DSCAML1: variants seen among roughly 807,000 people sequenced by gnomAD.
The protein encoded by DSCAML1 is DS cell adhesion molecule like 1, also known as cell adhesion molecule DSCAML1.
Under a neutral mutation model 200.5 loss-of-function variants are expected in DSCAML1, and 38 were observed. That is an observed-to-expected ratio of 0.19 (90% confidence interval 0.15 to 0.25). The LOEUF is 0.25. Among genes scored for constraint, DSCAML1 ranks in the 10% least tolerant of loss-of-function variants. DSCAML1 has a pLI of 1.00. For synonymous variants in DSCAML1, 1,215 were observed against 1,165.0 expected (o/e 1.04, Z -0.87); for missense variants, 2,223 against 2,858.8 (o/e 0.78, Z 5.07).
At chr11:117,592,913 C>T (rs559927094) in intron 3 of DSCAML1, among the ~76,000 whole-genome samples, 42 of 152,254 alleles carry the variant, frequency 2.8e-4, no homozygotes, top group African/African-American at 5.3e-4. Context: ...TCAGGCAGCA[C>T]GGGGTGTGAA....
intron 3 of DSCAML1, among the ~76,000 whole-genome samples, chr11:117,532,871 T>C (rs1031970661): frequency 6.6e-5 from 10 of 151,806 alleles, no homozygotes; most frequent in Non-Finnish European, 1.3e-4. Flanking sequence ...GCACCTGTAA[T>C]CCCAATGCTT....
At chr11:117,589,992 C>T (rs1285403953) in intron 3 of DSCAML1, among the ~76,000 whole-genome samples, 4 of 152,148 alleles carry the variant, frequency 2.6e-5, no homozygotes, top group East Asian at 3.8e-4. Flanking sequence ...AGCTCCTAAA[C>T]TTCAGGGTTT....
chr11:117,645,060 C>CA (rs2052495367), intron 3 of DSCAML1, among the ~76,000 whole-genome samples: 2 of 152,248 alleles, frequency 1.3e-5, no homozygotes, highest in Non-Finnish European at 2.9e-5. Flanking sequence ...GCCTCGGCTT[C>CA]ACCTGCAGGA....
intron 3 of DSCAML1, among the ~76,000 whole-genome samples, chr11:117,634,904 G>A (rs2052246789): frequency 6.6e-6 from 1 of 152,176 alleles, no homozygotes; most frequent in African/African-American, 2.4e-5. Context: ...AAAGCCTCTG[G>A]CAGTAAATGG....
At chr11:117,766,981 C>G (rs1172992019) in intron 3 of DSCAML1, among the ~76,000 whole-genome samples, 1 of 152,174 alleles carries the variant, frequency 6.6e-6, no homozygotes, top group African/African-American at 2.4e-5. Context: ...TGGTGTACCC[C>G]TCCCTGGCTG....
intron 19 of DSCAML1, among the ~76,000 whole-genome samples, chr11:117,452,654 T>A (rs375887543): frequency 6.6e-6 from 1 of 152,242 alleles, no homozygotes; most frequent in East Asian, 1.9e-4. Context: ...ATACTTTCTA[T>A]TTGTCTCATC....
intron 12 of DSCAML1, 45 bp from the exon 13 acceptor site, chr11:117,481,315 A>G: frequency 6.3e-7 from 1 of 1,592,560 alleles, no homozygotes; most frequent in Non-Finnish European, 8.6e-7. Flanking sequence ...AAACAGGGAG[A>G]GTCTTTTAGA....
intron 3 of DSCAML1, among the ~76,000 whole-genome samples, chr11:117,547,347 C>T (rs2050390587): frequency 6.6e-6 from 1 of 152,196 alleles, no homozygotes; most frequent in African/African-American, 2.4e-5. Flanking sequence ...AACAGAACCC[C>T]AGTAGCTGCA....
At chr11:117,465,227 C>A in intron 16 of DSCAML1, 45 bp from the exon 17 acceptor site, 1 of 1,601,382 alleles carries the variant, frequency 6.2e-7, no homozygotes, top group Non-Finnish European at 8.5e-7. Context: ...TGGCAACACG[C>A]TGAGATGATG....
chr11:117,471,800 A>ACCCCACCCCCTT (rs144312257), intron 15 of DSCAML1, 69 bp downstream of exon 15: 62 of 1,528,520 alleles, frequency 4.1e-5, no homozygotes, highest in Admixed American at 5.6e-5. Flanking sequence ...AGTGAACAGG[A>ACCCCACCCCCTT]TCGCTGTAGG....
At chr11:117,651,847 G>A (rs79954270) in intron 3 of DSCAML1, among the ~76,000 whole-genome samples, 4,032 of 151,504 alleles carry the variant, frequency 0.027, 155 homozygotes, top group South Asian at 0.16. Flanking sequence ...TGTCATCCCC[G>A]ATGTCTCCCC....
At chr11:117,545,780 G>A (rs954414549) in intron 3 of DSCAML1, among the ~76,000 whole-genome samples, 1 of 152,200 alleles carries the variant, frequency 6.6e-6, no homozygotes, top group Non-Finnish European at 1.5e-5. Flanking sequence ...GGAATGGGTC[G>A]TTAACACAGG....
intron 19 of DSCAML1, among the ~76,000 whole-genome samples, chr11:117,453,000 G>A (rs1442859725): frequency 2.6e-5 from 4 of 151,426 alleles, no homozygotes; most frequent in Non-Finnish European, 4.4e-5. Flanking sequence ...GTGTGGTCTC[G>A]GCTCACTCAC....
intron 1 of DSCAML1, among the ~76,000 whole-genome samples, chr11:117,810,320 G>C (rs1476995603): frequency 6.6e-6 from 1 of 151,980 alleles, no homozygotes; most frequent in Non-Finnish European, 1.5e-5. Context: ...TTCACCCTTA[G>C]TGGCAAGTCC....
intron 3 of DSCAML1, among the ~76,000 whole-genome samples, chr11:117,728,341 G>A (rs2054166989): frequency 6.6e-6 from 1 of 152,206 alleles, no homozygotes; most frequent in South Asian, 2.1e-4. Context: ...AATGATGAAA[G>A]AGTGGATACA....
At chr11:117,444,565 G>A (rs761457788) in intron 20 of DSCAML1, among the ~76,000 whole-genome samples, 6 of 152,170 alleles carry the variant, frequency 3.9e-5, no homozygotes, top group Non-Finnish European at 5.9e-5. Flanking sequence ...AGGAGGGGGC[G>A]GGAGAAGGAA....
At chr11:117,657,559 G>A (rs1010716309) in intron 3 of DSCAML1, among the ~76,000 whole-genome samples, 2 of 152,084 alleles carry the variant, frequency 1.3e-5, no homozygotes, top group Non-Finnish European at 1.5e-5. Flanking sequence ...TTAATGCTCC[G>A]TGTCAGTGAC....
chr11:117,743,003 T>TCATC (rs60601984), intron 3 of DSCAML1, among the ~76,000 whole-genome samples: 3,416 of 150,988 alleles, frequency 0.023, 131 homozygotes, highest in African/African-American at 0.076. Context: ...CACTCCACTT[T>TCATC]CATCCATCCA....
In DSCAML1 at chr11:117,430,414, T is replaced by C. The variant is rs903089680; in HGVS notation, c.5686+308A>G. On this transcript the variant is annotated intron_variant, in intron 32 of 32. Coordinates refer to ENST00000651296, the MANE Select transcript of DSCAML1 (RefSeq NM_020693.4). ...CCTTACAACACGCTGGGGATGTATA[T>C]CATTTCTAATGCCCATTATGACAAT... 5.9e-5 allele frequency among the ~76,000 whole-genome samples: 9 copies of C among 152,220 alleles called. 1 individual carries two copies. The South Asian group carries it at 1.4e-3, about 25-fold the overall frequency.
Sources: allele counts gnomAD v4.1 joint callset (sites outside exome capture counted in the v4.1 genomes callset), GRCh38; gene constraint gnomAD v4.1.1; transcripts MANE v1.5; gene names NCBI Gene and HGNC (gene_info 2026-07-23, HGNC 2026-07-21).